CLPSL1: variants seen among roughly 807,000 people sequenced by gnomAD.
CLPSL1 encodes the protein colipase-like protein 1.
A neutral mutation model predicts 9.3 loss-of-function variants in CLPSL1; 13 were observed. That is an observed-to-expected ratio of 1.40 (90% CI 0.91 to 2.22). The LOEUF is 2.22. CLPSL1 is among the 30% of genes most tolerant of loss of function. The pLI is 0.00. For missense variants in CLPSL1, 164 were observed against 146.6 expected, an observed-to-expected ratio of 1.12 and a Z score of -0.61; for synonymous variants, 58 against 56.9, an observed-to-expected ratio of 1.02 and a Z score of -0.08.
intron 2 of CLPSL1, among the ~76,000 whole-genome samples, chr6:35,787,542 A>AG (rs1768107784): frequency 6.6e-6 from 1 of 152,226 alleles, no homozygotes; most frequent in South Asian, 2.1e-4. Context: ...CTGGGTGTGT[A>AG]GGGGAGGGAG....
In CLPSL1 at chr6:35,781,019, A is replaced by T; in HGVS notation, c.-92A>T. ...TCTGACGGGGTTGGGTGCTGGTTTT[A>T]CATGGTGTTCCCACAGCTGGGAGGA... On this transcript the variant is annotated 5_prime_UTR_variant, in exon 1 of 3. Transcript: ENST00000373861. 6.4e-7 allele frequency: 1 copy of T among 1,555,898 alleles called. No individual in the cohort carries two copies.
chr6:35,791,928 A>ATAAG (rs1364712957), downstream of CLPSL1, among the ~76,000 whole-genome samples: 1 of 151,380 alleles, frequency 6.6e-6, no homozygotes. Context: ...AAATAAATAA[A>ATAAG]TAAATAAATT....
At position 35,787,856 on chromosome 6, in the gene CLPSL1, G is replaced by A. The variant is rs371334705; in HGVS notation, c.223-11G>A. Reference sequence around the variant, plus strand: ...CCGCCAAGGTCGAGGTCAAAGTCCTGTCTTTCCCAGGTGTTCTTTGGCCAA... The same window carrying A: ...CCGCCAAGGTCGAGGTCAAAGTCCTATCTTTCCCAGGTGTTCTTTGGCCAA... On this transcript the variant is annotated splice_polypyrimidine_tract_variant and intron_variant, in intron 2 of 2. Transcript: ENST00000373861. 31 of 1,608,808 alleles carry A rather than the reference G, an allele frequency of 1.9e-5. No individual in the cohort carries two copies. Among genetic ancestry groups the A allele is most frequent in the Non-Finnish European group, 2.6e-5 (31 of 1,176,310 alleles).
At chr6:35,791,295 T>G (rs575139723), downstream of CLPSL1, among the ~76,000 whole-genome samples, 1 of 150,620 alleles carries the variant, frequency 6.6e-6, no homozygotes, top group East Asian at 1.9e-4. Flanking sequence ...ATTGTTTAAG[T>G]TGAAAATATC....
In CLPSL1 at chr6:35,781,952, G is replaced by A. The variant is rs571329612; in HGVS notation, c.99+743G>A. Among the ~76,000 whole-genome samples, 10 of 151,994 alleles carry A rather than the reference G, an allele frequency of 6.6e-5. No homozygotes were observed. The South Asian group carries it at 8.3e-4, about 13-fold the overall frequency. The stretch of plus-strand genomic sequence containing the variant: ...TTTTTAGTAGAGACAGGGTTTCACC[G>A]TATTGGTCAGGCTGGTCTTGAACTC... On this transcript the variant is annotated intron_variant, in intron 1 of 2. Transcript: ENST00000373861.
At chr6:35,785,917 C>T (rs1358868094) in intron 1 of CLPSL1, among the ~76,000 whole-genome samples, 1 of 146,040 alleles carries the variant, frequency 6.8e-6, no homozygotes, top group Admixed American at 7.0e-5. Context: ...CCACTGCACT[C>T]CAGCCTGGGT....
intron 1 of CLPSL1, among the ~76,000 whole-genome samples, chr6:35,784,595 AAT>A (rs1179133861): frequency 1.3e-5 from 2 of 152,160 alleles, no homozygotes; most frequent in Non-Finnish European, 2.9e-5. Flanking sequence ...CATTGATTAA[AAT>A]TCAACAAAAT....
chr6:35,793,374 G>A (rs1451694394), intron 1 of CLPSL1: 8 of 445,406 alleles, frequency 1.8e-5, no homozygotes, highest in African/African-American at 6.3e-5. Flanking sequence ...GCAGGGAGCC[G>A]AGATCGTGCC....
At chr6:35,793,976 T>C (rs1252181390), downstream of CLPSL1, among the ~76,000 whole-genome samples, 2 of 152,262 alleles carry the variant, frequency 1.3e-5, no homozygotes, top group East Asian at 3.8e-4. Flanking sequence ...ATTAAATTCC[T>C]TGCAGTTTCC....
chr6:35,790,824 GA>G (rs1174725953), downstream of CLPSL1, among the ~76,000 whole-genome samples: 4 of 152,254 alleles, frequency 2.6e-5, no homozygotes, highest in Non-Finnish European at 5.9e-5. Context: ...AAGGAGTTCA[GA>G]AAAGAGCCTA....
chr6:35,783,540 C>T (rs1768008931), intron 1 of CLPSL1, among the ~76,000 whole-genome samples: 1 of 151,544 alleles, frequency 6.6e-6, no homozygotes, highest in African/African-American at 2.4e-5. Context: ...GGCGCGGTGG[C>T]TCATGCCTGT....
downstream of CLPSL1, among the ~76,000 whole-genome samples, chr6:35,789,324 C>A (rs1220376984): frequency 6.6e-6 from 1 of 152,246 alleles, no homozygotes; most frequent in Non-Finnish European, 1.5e-5. Context: ...ACAAGGGCAC[C>A]AAGAAGACAC....
intron 1 of CLPSL1, among the ~76,000 whole-genome samples, chr6:35,784,253 A>C (rs2151060281): frequency 6.6e-6 from 1 of 152,314 alleles, no homozygotes; most frequent in East Asian, 1.9e-4. Flanking sequence ...AGCTATTATC[A>C]GCAGAAGGGA....
chr6:35,790,988 T>G (rs563776839), downstream of CLPSL1, among the ~76,000 whole-genome samples: 118 of 149,624 alleles, frequency 7.9e-4, no homozygotes, highest in African/African-American at 2.8e-3. Flanking sequence ...GAGGCTGCAG[T>G]GAGCCATGGT....
chr6:35,783,630 C>A lies in CLPSL1; in HGVS notation c.99+2421C>A, dbSNP rs553863754. Among the ~76,000 whole-genome samples, 4 of 151,416 alleles carry A rather than the reference C, an allele frequency of 2.6e-5. No homozygotes were observed. The East Asian group carries it at 7.8e-4, about 30-fold the overall frequency. ...GACCATCCTGGCTAACACAGTGAAA[C>A]CCTGTCTCTACTAAAAATACAAAAA... On this transcript the variant is annotated intron_variant, in intron 1 of 2. Coordinates refer to ENST00000373861, the MANE Select transcript of CLPSL1 (RefSeq NM_001010886.5).
At chr6:35,793,236 C>T (rs1306994912) in intron 1 of CLPSL1, among the ~76,000 whole-genome samples, 1 of 152,190 alleles carries the variant, frequency 6.6e-6, no homozygotes, top group Non-Finnish European at 1.5e-5. Flanking sequence ...TCAGCCTGGC[C>T]AACATGGTGA....
intron 1 of CLPSL1, among the ~76,000 whole-genome samples, chr6:35,783,181 A>T (rs1045908844): frequency 3.9e-5 from 6 of 152,258 alleles, no homozygotes; most frequent in Admixed American, 3.9e-4. Context: ...TTAGTTTTGA[A>T]CTTTGTATGA....
In CLPSL1 at chr6:35,782,378, A is replaced by G. The variant is rs139597603; in HGVS notation, c.99+1169A>G. ...CTGCAATGTGTAAGGACTTTAGTCC[A>G]AGGGGGCTAAGAAATATAGCAGTGA... On this transcript the variant is annotated intron_variant, in intron 1 of 2. Transcript: ENST00000373861. 4.5e-3 allele frequency among the ~76,000 whole-genome samples: 690 copies of G among 152,350 alleles called. 4 individuals are homozygous for G. The highest frequency in any genetic ancestry group is 0.016 in the African/African-American group (648 of 41,582).
At position 35,787,904 on chromosome 6, in the gene CLPSL1, G is replaced by C. The variant is rs746478457; in HGVS notation, c.260G>C (p.Arg87Pro). 2 of 1,608,524 alleles carry C rather than the reference G, an allele frequency of 1.2e-6. No homozygotes were observed. The highest frequency in any genetic ancestry group is 1.7e-6 in the Non-Finnish European group (2 of 1,174,976). The change falls in exon 3 of 3, where the codon CGG (arginine) becomes CCG (proline). Residue 87 changes from arginine (R) to proline (P), a missense_variant. Physicochemically the swap from Arg to Pro is moderately radical, Grantham distance 103 (BLOSUM62 -2). Coordinates refer to ENST00000373861, the MANE Select transcript of CLPSL1 (RefSeq NM_001010886.5). ...CAATATAGAGCGTGTCCCTGCCTGC[G>C]GAACCTGACTTGTATATATTCAAAG... is the stretch of plus-strand genomic sequence containing the variant. ...FGQYRACPCL[R>P]NLTCIYSKNE...
Sources: gnomAD v4.1 joint callset for allele counts (sites outside exome capture counted in the v4.1 genomes callset) on GRCh38, gnomAD v4.1.1 for gene constraint, MANE v1.5 for transcripts, NCBI Gene and HGNC (gene_info 2026-07-23, HGNC 2026-07-21) for gene names.